Variants in PCDH7 observed in about 807,000 individuals in gnomAD.
PCDH7 encodes protocadherin 7, also known as protocadherin-7.
Under a neutral mutation model 58.9 loss-of-function variants are expected in PCDH7, and 17 were observed. The observed-to-expected ratio is 0.29, with a 90% confidence interval of 0.20 to 0.43. PCDH7 has a LOEUF of 0.43. Among genes scored for constraint, PCDH7 ranks in the 20% least tolerant of loss-of-function variants. PCDH7 has a pLI of 1.00. For synonymous variants in PCDH7, 664 were observed against 616.4 expected (o/e 1.08, Z -1.14); for missense variants, 1,274 against 1,441.0 (o/e 0.88, Z 1.88).
At chr4:31,031,262 G>T (rs867640039) in intron 3 of PCDH7, among the ~76,000 whole-genome samples, 2 of 152,164 alleles carry the variant, frequency 1.3e-5, no homozygotes, top group African/African-American at 4.8e-5. Context: ...AGACATTTTT[G>T]TTTGTCACAA....
chr4:30,952,054 C>T (rs2109449098), intron 3 of PCDH7, among the ~76,000 whole-genome samples: 2 of 152,238 alleles, frequency 1.3e-5, no homozygotes, highest in South Asian at 2.1e-4. Flanking sequence ...TGTTTTTATT[C>T]CCTACTTAGC....
At chr4:31,142,420 G>A (rs1720375982) in intron 3 of PCDH7, 53 bp from the exon 3 acceptor site, 1 of 1,301,218 alleles carries the variant, frequency 7.7e-7, no homozygotes, top group South Asian at 1.3e-5. Context: ...ATAGATCAGG[G>A]GAGCCTGTTG....
intron 3 of PCDH7, among the ~76,000 whole-genome samples, chr4:31,137,291 A>G (rs910397934): frequency 6.6e-6 from 1 of 152,240 alleles, no homozygotes; most frequent in African/African-American, 2.4e-5. Context: ...TCTAAAGGAA[A>G]GAAATACCAG....
rs374935658 is a variant in PCDH7, at chr4:30,881,356, A to C, written c.71-38797A>C. Reference sequence around the variant, plus strand: ...GCAAGACTCCATCTCAAAACAAAACAAAACAAAACAAAACCCAGAACAAAC... The same window carrying C: ...GCAAGACTCCATCTCAAAACAAAACCAAACAAAACAAAACCCAGAACAAAC... On this transcript the variant is annotated intron_variant, in intron 1 of 3. Transcript: ENST00000509759. 2.4e-4 allele frequency among the ~76,000 whole-genome samples: 37 copies of C among 152,234 alleles called. 1 individual carries two copies. Among genetic ancestry groups the C allele is most frequent in the African/African-American group, 8.9e-4 (37 of 41,558 alleles).
intron 3 of PCDH7, among the ~76,000 whole-genome samples, chr4:31,026,190 C>T (rs1463007250): frequency 1.3e-5 from 2 of 152,128 alleles, no homozygotes; most frequent in African/African-American, 4.8e-5. Context: ...CCCTTTATAC[C>T]CACTAATCTA....
At chr4:31,105,998 T>C (rs1016822262) in intron 3 of PCDH7, among the ~76,000 whole-genome samples, 1 of 144,244 alleles carries the variant, frequency 6.9e-6, no homozygotes, top group East Asian at 2.0e-4. Flanking sequence ...CAGAGCAAGA[T>C]TATGTCTCAA....
intron 3 of PCDH7, among the ~76,000 whole-genome samples, chr4:31,136,464 G>A (rs969118450): frequency 6.6e-6 from 1 of 152,160 alleles, no homozygotes; most frequent in East Asian, 1.9e-4. Flanking sequence ...TGCAGGAAGG[G>A]CCCAGGAATG....
chr4:31,141,313 G>C (rs1720224450), intron 3 of PCDH7, among the ~76,000 whole-genome samples: 1 of 152,164 alleles, frequency 6.6e-6, no homozygotes, highest in African/African-American at 2.4e-5. Context: ...CAGTCTTTAA[G>C]TCCCAAGCCT....
chr4:30,814,484 T>G (rs1229811940), intron 1 of PCDH7, among the ~76,000 whole-genome samples: 1 of 152,092 alleles, frequency 6.6e-6, no homozygotes, highest in African/African-American at 2.4e-5. Context: ...TATTGCCTCT[T>G]TTATTTACTT....
chr4:30,766,651 AT>A, intron 1 of PCDH7, among the ~76,000 whole-genome samples: 1 of 30,938 alleles, frequency 3.2e-5, no homozygotes, highest in South Asian at 1.3e-3. Flanking sequence ...TCTCAAACAT[AT>A]ATATATATAT....
chr4:31,047,312 G>A (rs1381453785), intron 3 of PCDH7, among the ~76,000 whole-genome samples: 1 of 152,026 alleles, frequency 6.6e-6, no homozygotes, highest in Non-Finnish European at 1.5e-5. Context: ...CTACCCTATA[G>A]CATGATTGAC....
chr4:30,986,230 T>C (rs540026690), intron 3 of PCDH7, among the ~76,000 whole-genome samples: 11 of 152,292 alleles, frequency 7.2e-5, no homozygotes, highest in African/African-American at 1.9e-4. Context: ...TGGCCTGCAA[T>C]TGATTTCTCC....
intron 1 of PCDH7, among the ~76,000 whole-genome samples, chr4:30,901,068 G>C (rs1371495741): frequency 6.6e-6 from 1 of 152,062 alleles, no homozygotes; most frequent in African/African-American, 2.4e-5. Flanking sequence ...AAATATGATT[G>C]ATTCCAATTA....
intron 3 of PCDH7, among the ~76,000 whole-genome samples, chr4:30,970,139 G>A (rs1000706651): frequency 6.6e-6 from 1 of 152,012 alleles, no homozygotes; most frequent in Admixed American, 6.6e-5. Context: ...ATTATAAATG[G>A]GTTTTTATTA....
At chr4:30,779,477 T>C (rs1722506954) in intron 1 of PCDH7, among the ~76,000 whole-genome samples, 1 of 152,208 alleles carries the variant, frequency 6.6e-6, no homozygotes, top group Non-Finnish European at 1.5e-5. Flanking sequence ...TCTAGAACTT[T>C]CTAATGGTCA....
chr4:30,934,681 T>C (rs1033348528), intron 2 of PCDH7, among the ~76,000 whole-genome samples: 2 of 152,182 alleles, frequency 1.3e-5, no homozygotes, highest in African/African-American at 2.4e-5. Flanking sequence ...AAAGTCATTA[T>C]ATTTGAGTCA....
chr4:31,109,268 A>G (rs1279931967), intron 3 of PCDH7, among the ~76,000 whole-genome samples: 1 of 152,220 alleles, frequency 6.6e-6, no homozygotes, highest in East Asian at 1.9e-4. Context: ...ATGGGAAAGG[A>G]TGGAGAATTA....
At chr4:30,775,570 G>A (rs911094947) in intron 1 of PCDH7, among the ~76,000 whole-genome samples, 1 of 151,866 alleles carries the variant, frequency 6.6e-6, no homozygotes, top group Admixed American at 6.6e-5. Context: ...TCATTATTTC[G>A]AATTTTGCTT....
chr4:30,762,889 G>T (rs971573487), intron 1 of PCDH7, among the ~76,000 whole-genome samples: 1 of 152,146 alleles, frequency 6.6e-6, no homozygotes, highest in Admixed American at 6.5e-5. Flanking sequence ...TCCCAAACTT[G>T]TTTACTCACT....
Sources: gnomAD v4.1 joint callset for allele counts (sites outside exome capture counted in the v4.1 genomes callset) on GRCh38, gnomAD v4.1.1 for gene constraint, MANE v1.5 for transcripts, NCBI Gene and HGNC (gene_info 2026-07-23, HGNC 2026-07-21) for gene names.